Variants in PCSK6 observed in about 807,000 individuals in gnomAD.
The protein encoded by PCSK6 is proprotein convertase subtilisin/kexin type 6.
Under a neutral mutation model 123.3 loss-of-function variants are expected in PCSK6, and 85 were observed. The ratio of observed to expected loss-of-function variants is 0.69; its 90% CI spans 0.58 to 0.83. PCSK6 has a LOEUF of 0.83. PCSK6 is among the 40% of genes least tolerant of loss of function. The pLI is 0.00. For synonymous variants in PCSK6, 508 were observed against 516.0 expected, an observed-to-expected ratio of 0.98 and a Z score of 0.21; for missense variants, 1,191 against 1,282.3, an observed-to-expected ratio of 0.93 and a Z score of 1.09.
chr15:101,316,294 C>A (rs2039988922), intron 19 of PCSK6: 1 of 152,184 alleles, frequency 6.6e-6, no homozygotes, highest in Admixed American at 6.5e-5. Flanking sequence ...CAGGGGAGAC[C>A]CCCAGAGCTG....
chr15:101,384,991 T>A (rs1567180260), intron 9 of PCSK6, among the ~76,000 whole-genome samples: 2 of 152,246 alleles, frequency 1.3e-5, no homozygotes, highest in African/African-American at 4.8e-5. Flanking sequence ...GATGATTTTT[T>A]AAAATTTCTA....
At chr15:101,431,866 T>C in intron 3 of PCSK6, 124 bp downstream of exon 3, 1 of 758,636 alleles carries the variant, frequency 1.3e-6, no homozygotes, top group Non-Finnish European at 2.3e-6. Flanking sequence ...TTTTACACCC[T>C]CAAGGTGAAG....
At chr15:101,371,080 G>A (rs923209048) in intron 11 of PCSK6, among the ~76,000 whole-genome samples, 2 of 152,202 alleles carry the variant, frequency 1.3e-5, no homozygotes, top group African/African-American at 4.8e-5. Context: ...GGTGGCGGGT[G>A]TCTGTAATCC....
At position 101,378,892 on chromosome 15, in the gene PCSK6, G is replaced by C. The variant is rs552405082; in HGVS notation, c.1532+3200C>G. Reference sequence around the variant, plus strand: ...AAATGACGGAGCTGCCTCCTGAAGGGGACTGTGTCTGGTGGGTCTGGCATC... The same window carrying C: ...AAATGACGGAGCTGCCTCCTGAAGGCGACTGTGTCTGGTGGGTCTGGCATC... On this transcript the variant is annotated intron_variant, in intron 11 of 21. Coordinates refer to ENST00000611716, the MANE Select transcript of PCSK6 (RefSeq NM_002570.5). Among the ~76,000 whole-genome samples, 7 of 152,356 alleles carry C rather than the reference G, an allele frequency of 4.6e-5. No individual in the cohort carries two copies. In the South Asian group the frequency reaches 1.5e-3, roughly 32 times the overall value.
rs1473803489 is a variant in PCSK6 at position 101,304,389 on chromosome 15, TGATG to T, written c.*865_*868del. 1 of 152,184 alleles carries T rather than the reference TGATG, an allele frequency of 6.6e-6. No homozygotes were observed. The highest frequency in any genetic ancestry group is 1.5e-5 in the Non-Finnish European group (1 of 68,012). The allele number at this position is 152,184 out of a possible 1,614,324, so 9.4% of individuals were successfully genotyped here. A position where few individuals can be genotyped will look rare whatever the true frequency, so the allele number is the denominator to read the frequency against. On this transcript the variant is annotated 3_prime_UTR_variant, in exon 22 of 22. Coordinates refer to ENST00000611716, the MANE Select transcript of PCSK6 (RefSeq NM_002570.5). ...AAAAGCAATTCCATAAAATGGGAAGTGATGGATGATTAACAATGCATGGCTGGCT... is the reference window on the plus strand; with the variant it reads ...AAAAGCAATTCCATAAAATGGGAAGTGATGATTAACAATGCATGGCTGGCT...
chr15:101,311,150 C>T (rs895569356), intron 20 of PCSK6, among the ~76,000 whole-genome samples: 47 of 152,020 alleles, frequency 3.1e-4, no homozygotes, highest in African/African-American at 1.1e-3. Context: ...CTTGCTCTGT[C>T]GCTCATGCTG....
intron 7 of PCSK6, among the ~76,000 whole-genome samples, chr15:101,394,375 C>T (rs1053722953): frequency 6.6e-6 from 1 of 152,142 alleles, no homozygotes; most frequent in African/African-American, 2.4e-5. Context: ...CTATCCCATA[C>T]CCACAGGATG....
At chr15:101,447,079 G>A (rs917088850) in intron 1 of PCSK6, among the ~76,000 whole-genome samples, 3 of 152,158 alleles carry the variant, frequency 2.0e-5, no homozygotes, top group Non-Finnish European at 2.9e-5. Context: ...ATGATGCTGC[G>A]TTTATGATAC....
At chr15:101,476,812 G>A (rs1365949250) in intron 1 of PCSK6, among the ~76,000 whole-genome samples, 9 of 152,174 alleles carry the variant, frequency 5.9e-5, no homozygotes. Flanking sequence ...TATATGCAAT[G>A]TATAATTTTT....
intron 11 of PCSK6, among the ~76,000 whole-genome samples, chr15:101,372,312 G>A (rs2041609556): frequency 1.3e-5 from 2 of 152,196 alleles, no homozygotes; most frequent in South Asian, 2.1e-4. Context: ...GGCATGAGGC[G>A]TTCTGCTCAG....
chr15:101,470,050 TCTAA>T (rs1044255055), intron 1 of PCSK6, among the ~76,000 whole-genome samples: 2 of 152,136 alleles, frequency 1.3e-5, no homozygotes, highest in African/African-American at 2.4e-5. Flanking sequence ...TGGAGGTGCT[TCTAA>T]CTGCCATTTT....
At chr15:101,333,079 G>A (rs2040403545) in intron 13 of PCSK6, among the ~76,000 whole-genome samples, 1 of 152,204 alleles carries the variant, frequency 6.6e-6, no homozygotes, top group African/African-American at 2.4e-5. Context: ...AAGTCAAAGA[G>A]CATCTATGCA....
chr15:101,335,521 G>A (rs543606313), intron 13 of PCSK6, among the ~76,000 whole-genome samples: 3 of 152,332 alleles, frequency 2.0e-5, no homozygotes, highest in African/African-American at 7.2e-5. Context: ...CGTTTCTTGT[G>A]TATCATTTCT....
intron 1 of PCSK6, among the ~76,000 whole-genome samples, chr15:101,459,845 C>T (rs2057299696): frequency 6.6e-6 from 1 of 151,970 alleles, no homozygotes; most frequent in Admixed American, 6.6e-5. Context: ...CCACGTTCTC[C>T]TTAGAACCCT....
At chr15:101,357,429 G>A (rs1005739229) in intron 13 of PCSK6, among the ~76,000 whole-genome samples, 15 of 152,150 alleles carry the variant, frequency 9.9e-5, no homozygotes, top group African/African-American at 1.7e-4. Context: ...GCATTTTCCC[G>A]GCCTCTAGAG....
At chr15:101,421,998 C>T (rs991488973) in intron 6 of PCSK6, among the ~76,000 whole-genome samples, 1 of 151,982 alleles carries the variant, frequency 6.6e-6, no homozygotes, top group African/African-American at 2.4e-5. Context: ...TTTTTAAGAC[C>T]ACTGAAGAAC....
At chr15:101,349,579 C>T (rs1257716698) in intron 13 of PCSK6, among the ~76,000 whole-genome samples, 1 of 152,192 alleles carries the variant, frequency 6.6e-6, no homozygotes, top group African/African-American at 2.4e-5. Flanking sequence ...GTAAAACACA[C>T]ACTTGCAGTG....
At chr15:101,326,819 C>G (rs1364384415) in intron 15 of PCSK6, among the ~76,000 whole-genome samples, 1 of 152,172 alleles carries the variant, frequency 6.6e-6, no homozygotes. Context: ...GCTGGAACAG[C>G]TGTTTCATTC....
At chr15:101,327,972 T>C (rs1472040224) in intron 15 of PCSK6, among the ~76,000 whole-genome samples, 1 of 152,080 alleles carries the variant, frequency 6.6e-6, no homozygotes, top group Non-Finnish European at 1.5e-5. Flanking sequence ...ACTAAACTCC[T>C]CCCCCCAGCT....
Sources: allele counts gnomAD v4.1 joint callset (sites outside exome capture counted in the v4.1 genomes callset), GRCh38; gene constraint gnomAD v4.1.1; transcripts MANE v1.5; gene names NCBI Gene and HGNC (gene_info 2026-07-23, HGNC 2026-07-21).